SORCS2: variants seen among roughly 807,000 people sequenced by gnomAD.
SORCS2 encodes sortilin related VPS10 domain containing receptor 2.
A neutral mutation model predicts 141.6 loss-of-function variants in SORCS2; 100 were observed. The ratio of observed to expected loss-of-function variants is 0.71; its 90% confidence interval spans 0.60 to 0.83. SORCS2 has a LOEUF of 0.83. SORCS2 is among the 40% of genes least tolerant of loss of function. The pLI is 0.00. For synonymous variants in SORCS2, 789 were observed against 676.9 expected (o/e 1.17, Z -2.57); for missense variants, 1,646 against 1,560.2 (o/e 1.05, Z -0.93).
chr4:7,509,161 G>A (rs535025295), intron 2 of SORCS2, among the ~76,000 whole-genome samples: 1 of 152,342 alleles, frequency 6.6e-6, no homozygotes, highest in East Asian at 1.9e-4. Flanking sequence ...GGCTGCCCAG[G>A]GCGGTGAGGC....
intron 2 of SORCS2, among the ~76,000 whole-genome samples, chr4:7,506,138 T>C (rs1222190465): frequency 2.6e-5 from 4 of 151,996 alleles, no homozygotes; most frequent in Non-Finnish European, 4.4e-5. Flanking sequence ...CACTCCGGGG[T>C]CTGTGTCTGC....
At chr4:7,314,678 ATTG>A (rs1718438566) in intron 1 of SORCS2, among the ~76,000 whole-genome samples, 1 of 151,976 alleles carries the variant, frequency 6.6e-6, no homozygotes, top group African/African-American at 2.4e-5. Context: ...TAATTGATTA[ATTG>A]TTAAGAAATG....
At chr4:7,392,906 G>GT (rs1560247156) in intron 1 of SORCS2, among the ~76,000 whole-genome samples, 1 of 149,888 alleles carries the variant, frequency 6.7e-6, no homozygotes, top group African/African-American at 2.5e-5. Context: ...GTCGGGGGGG[G>GT]GGGGGTGCTG....
intron 3 of SORCS2, among the ~76,000 whole-genome samples, chr4:7,574,022 C>T (rs34697516): frequency 0.28 from 42,635 of 152,274 alleles, 7,349 homozygotes; most frequent in East Asian, 0.72. Flanking sequence ...CCTTGTGCAC[C>T]GTCTAGAACC....
At chr4:7,492,157 C>T (rs1167554663) in intron 2 of SORCS2, among the ~76,000 whole-genome samples, 4 of 152,236 alleles carry the variant, frequency 2.6e-5, no homozygotes, top group Non-Finnish European at 5.9e-5. Flanking sequence ...GACAGCCTGG[C>T]CCTCTCTCCA....
At chr4:7,505,363 C>G (rs1415345344) in intron 2 of SORCS2, among the ~76,000 whole-genome samples, 1 of 152,072 alleles carries the variant, frequency 6.6e-6, no homozygotes, top group African/African-American at 2.4e-5. Context: ...ACTGAATTGT[C>G]TCACTGACCC....
chr4:7,740,191 G>C lies in SORCS2; in HGVS notation c.3416-9G>C. On this transcript the variant is annotated splice_polypyrimidine_tract_variant and intron_variant, in intron 26 of 26. Transcript: ENST00000507866. ...TGCTCACGGGACCTGCGTCTCTTCT[G>C]TTTCCTAGGCAACCACTCAGGCGTG... The C allele has an allele frequency of 6.2e-7, 1 of 1,605,928 alleles. No individual in the cohort carries two copies. Among genetic ancestry groups the C allele is most frequent in the Non-Finnish European group, 8.5e-7 (1 of 1,178,524 alleles).
At chr4:7,704,414 C>T (rs1035108898) in intron 14 of SORCS2, 130 bp downstream of exon 14, 3 of 814,810 alleles carry the variant, frequency 3.7e-6, no homozygotes, top group Non-Finnish European at 5.8e-6. Flanking sequence ...CCCCAGGTCC[C>T]CTTGCTGGTG....
intron 6 of SORCS2, among the ~76,000 whole-genome samples, chr4:7,662,158 C>T (rs932003631): frequency 1.3e-5 from 2 of 152,158 alleles, no homozygotes; most frequent in African/African-American, 4.8e-5. Flanking sequence ...GCAGAGTCCT[C>T]AACGCGGGGT....
At position 7,505,397 on chromosome 4, in the gene SORCS2, G is replaced by A. The variant is rs183276441; in HGVS notation, c.549-26133G>A. Among the ~76,000 whole-genome samples the A allele has an allele frequency of 1.2e-4, 18 of 152,140 alleles. No individual in the cohort carries two copies. The East Asian group carries it at 3.3e-3, about 28-fold the overall frequency. ...CCCGAGAACAGCTCAGGAGAGCTCC[G>A]TGTGCACAGAGACACCTCAGTCCCC... On this transcript the variant is annotated intron_variant, in intron 2 of 26. Coordinates refer to ENST00000507866, the MANE Select transcript of SORCS2 (RefSeq NM_020777.3).
intron 2 of SORCS2, among the ~76,000 whole-genome samples, chr4:7,448,260 G>A (rs1463089162): frequency 6.6e-6 from 1 of 152,102 alleles, no homozygotes; most frequent in Non-Finnish European, 1.5e-5. Context: ...TGCGGCGCAG[G>A]GCAAGGGGCA....
intron 8 of SORCS2, among the ~76,000 whole-genome samples, chr4:7,669,563 T>C (rs940223646): frequency 6.6e-6 from 1 of 152,266 alleles, no homozygotes; most frequent in African/African-American, 2.4e-5. Context: ...AATTTCCTCA[T>C]CAGATGTTGT....
chr4:7,508,548 G>T (rs1732415938), intron 2 of SORCS2, among the ~76,000 whole-genome samples: 1 of 152,058 alleles, frequency 6.6e-6, no homozygotes, highest in African/African-American at 2.4e-5. Context: ...ATGTTGGCCA[G>T]GCTGGTCTCA....
intron 2 of SORCS2, chr4:7,433,201 T>G: frequency 8.7e-7 from 1 of 1,154,156 alleles, no homozygotes; most frequent in Non-Finnish European, 1.1e-6. Flanking sequence ...TCAGCTCTGC[T>G]CCTTCCCAGC....
At chr4:7,644,765 C>T (rs562175530) in intron 4 of SORCS2, among the ~76,000 whole-genome samples, 1 of 152,204 alleles carries the variant, frequency 6.6e-6, no homozygotes, top group Non-Finnish European at 1.5e-5. Flanking sequence ...GACTTTTTAT[C>T]TTCATATGAG....
intron 1 of SORCS2, among the ~76,000 whole-genome samples, chr4:7,395,974 G>C (rs759494321): frequency 5.9e-5 from 9 of 152,238 alleles, no homozygotes; most frequent in Non-Finnish European, 1.2e-4. Context: ...CTTTGCCACA[G>C]TTTGGGATTG....
chr4:7,193,131 G>C lies in SORCS2; in HGVS notation c.480+5G>C, dbSNP rs1264641047. ...TGGACGGGCGAGAACAGCAGCGTAA[G>C]TGACCTCCACGCGCTCGCCGCGGCC... On this transcript the variant is annotated splice_donor_5th_base_variant and intron_variant, in intron 1 of 26. Coordinates refer to ENST00000507866, the MANE Select transcript of SORCS2 (RefSeq NM_020777.3). The surrounding 1 kb of genome is among the most constrained non-coding windows in gnomAD (Gnocchi z 4.8). 1 of 1,525,510 alleles carries C rather than the reference G, an allele frequency of 6.6e-7. No homozygotes were observed. Among genetic ancestry groups the C allele is most frequent in the Non-Finnish European group, 8.7e-7 (1 of 1,146,888 alleles). The allele number at this position is 1,525,510 out of a possible 1,614,324, so 94.5% of individuals were successfully genotyped here.
chr4:7,649,798 T>C (rs569375211), intron 4 of SORCS2, among the ~76,000 whole-genome samples: 4 of 152,250 alleles, frequency 2.6e-5, no homozygotes, highest in Non-Finnish European at 1.5e-5. Flanking sequence ...CACATCCTTC[T>C]TTGGTGAACA....
At chr4:7,739,021 C>T (rs1022020871) in intron 26 of SORCS2, among the ~76,000 whole-genome samples, 1 of 152,184 alleles carries the variant, frequency 6.6e-6, no homozygotes, top group Non-Finnish European at 1.5e-5. Flanking sequence ...TCACGGAGCG[C>T]TCGCTCTGTG....
Sources: gnomAD v4.1 joint callset for allele counts (sites outside exome capture counted in the v4.1 genomes callset) on GRCh38, gnomAD v4.1.1 for gene constraint, Gnocchi (gnomAD v3.1) non-coding constraint, MANE v1.5 for transcripts, NCBI Gene and HGNC (gene_info 2026-07-23, HGNC 2026-07-21) for gene names.